RSAD1: variants seen among roughly 807,000 people sequenced by gnomAD.
RSAD1 encodes the protein radical S-adenosyl methionine domain containing 1.
RSAD1 carries 34 observed loss-of-function variants against 46.2 expected under a neutral mutation model. The ratio of observed to expected loss-of-function variants is 0.74; its 90% confidence interval spans 0.56 to 0.98. RSAD1 has a LOEUF of 0.98. Among genes scored for constraint, RSAD1 ranks in the 50% least tolerant of loss-of-function variants. The probability of loss-of-function intolerance (pLI) is 0.00; values close to 1 mark genes in which losing one functional copy is unlikely to be tolerated. For synonymous variants in RSAD1, 260 were observed against 253.5 expected (o/e 1.03, Z -0.24); for missense variants, 635 against 592.3 (o/e 1.07, Z -0.75).
chr17:50,483,612 G>A (rs1472767075), intron 6 of RSAD1, 94 bp from the exon 7 acceptor site: 36 of 1,593,418 alleles, frequency 2.3e-5, no homozygotes, highest in Non-Finnish European at 2.7e-5. Flanking sequence ...TATGGTCCCT[G>A]TTAGCCTCCT....
rs1220011345 is a variant in RSAD1 at position 50,484,579 on chromosome 17, G to C, written c.1211+34G>C. On this transcript the variant is annotated intron_variant, in intron 8 of 8. Transcript: ENST00000258955. Reference sequence around the variant, plus strand: ...GGGGGTGCCGGGCAGAGGGGGCTGAGGCATACCAGGGAGCCCTGACTACAG... The same window carrying C: ...GGGGGTGCCGGGCAGAGGGGGCTGACGCATACCAGGGAGCCCTGACTACAG... The C allele has an allele frequency of 2.5e-6, 4 of 1,598,314 alleles. No individual in the cohort carries two copies. The African/African-American group carries it at 5.4e-5, about 21-fold the overall frequency.
intron 5 of RSAD1, 129 bp downstream of exon 5, chr17:50,482,835 CCT>C: frequency 1.3e-6 from 1 of 781,512 alleles, no homozygotes; most frequent in South Asian, 1.7e-5. Context: ...ATAATACCTC[CCT>C]ATAGAACTGT....
At position 50,479,012 on chromosome 17, in the gene RSAD1, A is replaced by T; in HGVS notation, c.128A>T (p.Tyr43Phe). Residue 43 changes from tyrosine to phenylalanine, a missense_variant, in exon 1 of 9, where the codon TAC becomes TTC. Coordinates refer to ENST00000258955, the MANE Select transcript of RSAD1 (RefSeq NM_018346.3). The part of the protein sequence containing the change: ...PEPAGRRAAL[Y>F]VHWPYCEKRC... ...CCTGCGGGCCGGCGCGCGGCGCTTT[A>T]CGTACACGTGAGTAGGGGCGGGGGC... The T allele has an allele frequency of 7.3e-7, 1 of 1,363,504 alleles. No individual in the cohort carries two copies. Among genetic ancestry groups the T allele is most frequent in the Non-Finnish European group, 9.4e-7 (1 of 1,065,170 alleles). 84.5% of individuals were successfully genotyped at this position (1,363,504 alleles called of 1,614,324 possible). A position where few individuals can be genotyped will look rare whatever the true frequency, so the allele number is the denominator to read the frequency against.
Position 50,478,995 on chromosome 17 carries a change from C to A in RSAD1, c.111C>A (p.Gly37=), listed in dbSNP as rs753470372. ...AGGSPSPEPA[G]RRAALYVHWP... Reference sequence around the variant, plus strand: ...GGTCCCCGAGTCCTGAGCCTGCGGGCCGGCGCGCGGCGCTTTACGTACACG... The same window carrying A: ...GGTCCCCGAGTCCTGAGCCTGCGGGACGGCGCGCGGCGCTTTACGTACACG... Residue 37 remains glycine, a synonymous_variant, in exon 1 of 9, where the codon GGC becomes GGA. Coordinates refer to ENST00000258955, the MANE Select transcript of RSAD1 (RefSeq NM_018346.3). The A allele has an allele frequency of 7.3e-7, 1 of 1,377,918 alleles. No homozygotes were observed. The highest frequency in any genetic ancestry group is 9.3e-7 in the Non-Finnish European group (1 of 1,071,746). The allele number at this position is 1,377,918 out of a possible 1,614,324, so 85.4% of individuals were successfully genotyped here.
Position 50,482,122 on chromosome 17 carries a change from G to A in RSAD1, c.506G>A (p.Gly169Glu), listed in dbSNP as rs762232568. The change falls in exon 4 of 9, where the codon GGA (glycine) becomes GAA (glutamate). Residue 169 changes from glycine to glutamate, a missense_variant. Transcript: ENST00000258955. ...SLDDTELRLL[G>E]RTHSACDALR... ...GATGACACTGAGCTCCGGCTGTTGG[G>A]ACGGACGCACTCGGCCTGCGATGCT... The A allele has an allele frequency of 3.8e-6, 6 of 1,586,424 alleles. No homozygotes were observed. The highest frequency in any genetic ancestry group is 8.6e-7 in the Non-Finnish European group (1 of 1,163,238).
In RSAD1 at chr17:50,484,772, G is replaced by A. The variant is rs1254333141; in HGVS notation, c.1240G>A (p.Ala414Thr). The A allele has an allele frequency of 6.2e-7, 1 of 1,614,074 alleles. No homozygotes were observed. Among genetic ancestry groups the A allele is most frequent in the Non-Finnish European group, 8.5e-7 (1 of 1,179,968 alleles). The part of the protein sequence containing the change: ...RGLRCSWEGL[A>T]VLDSLLLTLL... ...TCTTCGGTGTTCCTGGGAGGGTCTGGCTGTGCTGGACTCTCTCTTGCTGAC... is the reference window on the plus strand; with the variant it reads ...TCTTCGGTGTTCCTGGGAGGGTCTGACTGTGCTGGACTCTCTCTTGCTGAC... The change falls in exon 9 of 9, where the codon GCT (alanine) becomes ACT (threonine). Residue 414 changes from alanine (A) to threonine (T), a missense_variant. Physicochemically the swap from Ala to Thr is moderately conservative, Grantham distance 58 (BLOSUM62 0). Transcript: ENST00000258955.
rs1038243012 is a variant in RSAD1, at chr17:50,479,687, G to T, written c.194G>T (p.Arg65Leu). Residue 65 changes from arginine to leucine, a missense_variant, in exon 2 of 9, where the codon CGC becomes CTC. By Grantham distance (102) the Arg-to-Leu change is moderately radical. Transcript: ENST00000258955. ...YCNFNKYIPR[R>L]LEEAAMQKCL... ...AACTTCAACAAGTACATCCCTCGCC[G>T]CCTGGAGGAGGCTGCCATGCAGAAG... is the stretch of plus-strand genomic sequence containing the variant. 1 of 1,614,010 alleles carries T rather than the reference G, an allele frequency of 6.2e-7. No individual in the cohort carries two copies.
At position 50,484,484 on chromosome 17, in the gene RSAD1, T is replaced by A. The variant is rs2033425701; in HGVS notation, c.1150T>A (p.Phe384Ile). 1 of 1,613,576 alleles carries A rather than the reference T, an allele frequency of 6.2e-7. No homozygotes were observed. The highest frequency in any genetic ancestry group is 8.5e-7 in the Non-Finnish European group (1 of 1,179,998). Residue 384 changes from phenylalanine to isoleucine, a missense_variant, in exon 8 of 9, where the codon TTT (phenylalanine) becomes ATT (isoleucine). Coordinates refer to ENST00000258955, the MANE Select transcript of RSAD1 (RefSeq NM_018346.3). ...GCCCCAGCTGACCCTGTGGGATGTGTTTGGAGCGAACAAGGAGGTGCAGGA... is the reference window on the plus strand; with the variant it reads ...GCCCCAGCTGACCCTGTGGGATGTGATTGGAGCGAACAAGGAGGTGCAGGA... ...FEPQLTLWDV[F>I]GANKEVQELL...
chr17:50,485,811 C>T lies in RSAD1; in HGVS notation c.*950C>T, dbSNP rs3744531. Reference sequence around the variant, plus strand: ...TGAGCCCCCTCACTCACTTCCTTCCCCCTGTGCCTTTCCTTTGAGAGTGAA... The same window carrying T: ...TGAGCCCCCTCACTCACTTCCTTCCTCCTGTGCCTTTCCTTTGAGAGTGAA... On this transcript the variant is annotated 3_prime_UTR_variant, in exon 9 of 9. Coordinates refer to ENST00000258955, the MANE Select transcript of RSAD1 (RefSeq NM_018346.3). 17,590 of 152,352 alleles carry T rather than the reference C, an allele frequency of 0.12. 1,486 individuals are homozygous for T. The highest frequency in any genetic ancestry group is 0.22 in the African/African-American group (9,133 of 41,526). 9.4% of individuals were successfully genotyped at this position (152,352 alleles called of 1,614,324 possible).
At position 50,482,172 on chromosome 17, in the gene RSAD1, C is replaced by T. The variant is rs755722994; in HGVS notation, c.556C>T (p.Arg186Cys). ...DALRTLAEARRLFPGRVSVDL... is the reference protein window; with the variant it reads ...DALRTLAEARCLFPGRVSVDL... The stretch of plus-strand genomic sequence containing the variant: ...TCTGCGGACGCTGGCAGAGGCCCGG[C>T]GCCTCTTTCCCGGGCGCGTGTCTGT... The change falls in exon 4 of 9, where the codon CGC becomes TGC. Residue 186 changes from arginine (R) to cysteine (C), a missense_variant. Arg to Cys is a radical substitution (Grantham distance 180). Transcript: ENST00000258955. 12 of 1,582,920 alleles carry T rather than the reference C, an allele frequency of 7.6e-6. No homozygotes were observed. The highest frequency in any genetic ancestry group is 3.6e-5 in the Admixed American group (2 of 56,266).
intron 7 of RSAD1, 58 bp from the exon 8 acceptor site, chr17:50,484,384 C>A: frequency 3.3e-6 from 5 of 1,498,234 alleles, no homozygotes; most frequent in Non-Finnish European, 4.6e-6. Context: ...CATACCCCAA[C>A]TATGTGGCCC....
Position 50,484,464 on chromosome 17 carries a change from A to G in RSAD1, c.1130A>G (p.Gln377Arg). ...CAGCACTGGCAGCAGTTTGAGCCCC[A>G]GCTGACCCTGTGGGATGTGTTTGGA... ...THQHWQQFEP[Q>R]LTLWDVFGAN... The change falls in exon 8 of 9, where the codon CAG becomes CGG. Residue 377 changes from glutamine (Q) to arginine (R), a missense_variant. By Grantham distance (43) the Gln-to-Arg change is conservative. Transcript: ENST00000258955. The G allele has an allele frequency of 6.2e-7, 1 of 1,613,686 alleles. No homozygotes were observed. Among genetic ancestry groups the G allele is most frequent in the Non-Finnish European group, 8.5e-7 (1 of 1,179,980 alleles).
chr17:50,484,670 G>C (rs2033429567), intron 8 of RSAD1, 74 bp from the exon 9 acceptor site: 3 of 1,523,910 alleles, frequency 2.0e-6, no homozygotes, highest in Non-Finnish European at 2.7e-6. Context: ...GGTGCTGGGA[G>C]CTCGGCCCTG....
In RSAD1 at chr17:50,479,613, C is replaced by T. The variant is rs1449804593; in HGVS notation, c.136-16C>T. 9 of 1,613,312 alleles carry T rather than the reference C, an allele frequency of 5.6e-6. No homozygotes were observed. In the Middle Eastern group the frequency reaches 6.6e-4, roughly 119 times the overall value. ...CAGGGCAGCTCTCACCGCGCACGTG[C>T]ACTCACTGCCCCCAGTGGCCTTACT... On this transcript the variant is annotated splice_polypyrimidine_tract_variant and intron_variant, in intron 1 of 8. Transcript: ENST00000258955.
intron 8 of RSAD1, 99 bp from the exon 9 acceptor site, chr17:50,484,645 A>G: frequency 6.6e-7 from 1 of 1,518,280 alleles, no homozygotes; most frequent in South Asian, 1.1e-5. Flanking sequence ...ACTGACTGGT[A>G]AGGCGGGACC....
At chr17:50,479,120 C>A in intron 1 of RSAD1, 101 bp downstream of exon 1, 1 of 1,208,922 alleles carries the variant, frequency 8.3e-7, no homozygotes. Flanking sequence ...TCTATGAACC[C>A]GCCTGCCGTG....
Position 50,478,881 on chromosome 17 carries a change from C to T in RSAD1, c.-4C>T. The T allele has an allele frequency of 1.5e-6, 2 of 1,299,944 alleles. No homozygotes were observed. Among genetic ancestry groups the T allele is most frequent in the African/African-American group, 1.5e-5 (1 of 64,552 alleles). 80.5% of individuals were successfully genotyped at this position (1,299,944 alleles called of 1,614,324 possible). On this transcript the variant is annotated 5_prime_UTR_variant, in exon 1 of 9. Transcript: ENST00000258955. ...GGTCAGTGCGCCGCGCTGCGCTGGG[C>T]GCCATGGCGCTCCCCGGAGCCCGGG...
chr17:50,483,534 C>T, intron 6 of RSAD1, 47 bp downstream of exon 6: 1 of 1,602,832 alleles, frequency 6.2e-7, no homozygotes, highest in East Asian at 2.2e-5. Flanking sequence ...CCCCACACCC[C>T]AAGACCATGT....
At chr17:50,483,172 CAAAAAA>C (rs71353643) in intron 5 of RSAD1, among the ~76,000 whole-genome samples, 162 bp from the exon 6 acceptor site, 1 of 68,478 alleles carries the variant, frequency 1.5e-5, no homozygotes, top group Non-Finnish European at 2.6e-5. Flanking sequence ...GACACCACCT[CAAAAAA>C]AAAAAAAAAA....
Sources: gnomAD v4.1 joint callset for allele counts (sites outside exome capture counted in the v4.1 genomes callset) on GRCh38, gnomAD v4.1.1 for gene constraint, MANE v1.5 for transcripts, NCBI Gene and HGNC (gene_info 2026-07-23, HGNC 2026-07-21) for gene names.